TMEFF2: variants seen among roughly 807,000 people sequenced by gnomAD.
The protein encoded by TMEFF2 is tomoregulin-2.
Under a neutral mutation model 53.8 loss-of-function variants are expected in TMEFF2, and 28 were observed. The observed-to-expected ratio is 0.52, with a 90% CI of 0.39 to 0.71. TMEFF2 has a LOEUF of 0.71. Among genes scored for constraint, TMEFF2 ranks in the 30% least tolerant of loss-of-function variants. The probability of loss-of-function intolerance (pLI) is 0.00; values close to 1 mark genes in which losing one functional copy is unlikely to be tolerated. For missense variants in TMEFF2, 353 were observed against 455.2 expected (o/e 0.78, Z 2.04); for synonymous variants, 162 against 166.3 (o/e 0.97, Z 0.20).
At chr2:191,951,866 G>C (rs1458486159) in intron 9 of TMEFF2, among the ~76,000 whole-genome samples, 1 of 152,184 alleles carries the variant, frequency 6.6e-6, no homozygotes. Flanking sequence ...ATTGAGGACA[G>C]GTTTTATTTT....
intron 7 of TMEFF2, among the ~76,000 whole-genome samples, chr2:191,978,028 G>A (rs1685772544): frequency 1.3e-5 from 2 of 152,088 alleles, no homozygotes; most frequent in South Asian, 2.1e-4. Context: ...ATCCCCACAT[G>A]TCAGCACTTT....
At chr2:192,111,213 G>C (rs541545248) in intron 4 of TMEFF2, among the ~76,000 whole-genome samples, 1 of 152,232 alleles carries the variant, frequency 6.6e-6, no homozygotes, top group South Asian at 2.1e-4. Flanking sequence ...GGTTTGGAGG[G>C]CTTAGAAGAA....
chr2:191,996,622 A>G (rs1005878260), intron 7 of TMEFF2, among the ~76,000 whole-genome samples: 1 of 151,932 alleles, frequency 6.6e-6, no homozygotes, highest in African/African-American at 2.4e-5. Flanking sequence ...CTTGGAAACA[A>G]TACTGCAAAA....
intron 4 of TMEFF2, among the ~76,000 whole-genome samples, chr2:192,084,631 T>C (rs1247791777): frequency 6.6e-6 from 1 of 152,238 alleles, no homozygotes; most frequent in Non-Finnish European, 1.5e-5. Flanking sequence ...TTGAGTTTTA[T>C]TTCTTTTTAT....
At chr2:192,007,255 A>C (rs1209657566) in intron 5 of TMEFF2, among the ~76,000 whole-genome samples, 1 of 152,260 alleles carries the variant, frequency 6.6e-6, no homozygotes, top group African/African-American at 2.4e-5. Context: ...GATTAAACAC[A>C]CTGATCTAAA....
chr2:192,042,453 C>T (rs981987464), intron 5 of TMEFF2, among the ~76,000 whole-genome samples: 10 of 152,074 alleles, frequency 6.6e-5, no homozygotes, highest in Middle Eastern at 3.2e-3. Flanking sequence ...CAAGTTCCAG[C>T]GGGCACCTAA....
chr2:192,091,404 T>C (rs1209908370), intron 4 of TMEFF2, among the ~76,000 whole-genome samples: 1 of 152,060 alleles, frequency 6.6e-6, no homozygotes, highest in Non-Finnish European at 1.5e-5. Context: ...CCCCTTTACA[T>C]TCCCAGGACA....
At chr2:191,959,639 T>C (rs1692214108) in intron 7 of TMEFF2, among the ~76,000 whole-genome samples, 3 of 152,216 alleles carry the variant, frequency 2.0e-5, no homozygotes, top group African/African-American at 7.2e-5. Flanking sequence ...TGTGTATGTG[T>C]TTACCATTGC....
intron 4 of TMEFF2, among the ~76,000 whole-genome samples, chr2:192,079,739 T>A (rs1310393084): frequency 6.6e-6 from 1 of 152,220 alleles, no homozygotes; most frequent in African/African-American, 2.4e-5. Context: ...CTTGATTTGC[T>A]TACTGGCTTT....
At chr2:192,167,552 T>C (rs1336237874) in intron 4 of TMEFF2, among the ~76,000 whole-genome samples, 1 of 152,166 alleles carries the variant, frequency 6.6e-6, no homozygotes, top group Non-Finnish European at 1.5e-5. Flanking sequence ...CTCCTTCTGT[T>C]ATTTTGCATA....
intron 4 of TMEFF2, among the ~76,000 whole-genome samples, chr2:192,151,810 G>C (rs1690395205): frequency 6.6e-6 from 1 of 151,858 alleles, no homozygotes; most frequent in African/African-American, 2.4e-5. Flanking sequence ...CTCATCTTGG[G>C]AGAGCCTACA....
chr2:192,084,046 A>G (rs1688612426), intron 4 of TMEFF2, among the ~76,000 whole-genome samples: 1 of 152,132 alleles, frequency 6.6e-6, no homozygotes, highest in African/African-American at 2.4e-5. Context: ...AATACTCAAA[A>G]TAGCTCTATT....
At chr2:192,158,669 T>C (rs992617346) in intron 4 of TMEFF2, among the ~76,000 whole-genome samples, 2 of 152,112 alleles carry the variant, frequency 1.3e-5, no homozygotes, top group Non-Finnish European at 2.9e-5. Context: ...AAACCTCTAG[T>C]GCTGGTGAGA....
At chr2:192,136,079 TTTGGTG>T (rs1324379153) in intron 4 of TMEFF2, among the ~76,000 whole-genome samples, 3 of 152,150 alleles carry the variant, frequency 2.0e-5, no homozygotes, top group Non-Finnish European at 4.4e-5. Context: ...ACAAAGCCTG[TTTGGTG>T]GTCTCTTCAC....
intron 7 of TMEFF2, among the ~76,000 whole-genome samples, chr2:191,964,206 TTCTC>T (rs998429234): frequency 1.1e-4 from 16 of 151,076 alleles, no homozygotes; most frequent in Admixed American, 4.6e-4. Context: ...TTCTCTTTCT[TTCTC>T]TCTTTCTGTC....
chr2:191,949,513 G>C lies in TMEFF2; in HGVS notation c.*798C>G. 2 of 985,244 alleles carry C rather than the reference G, an allele frequency of 2.0e-6. No individual in the cohort carries two copies. Among genetic ancestry groups the C allele is most frequent in the Non-Finnish European group, 2.4e-6 (2 of 829,892 alleles). 61.0% of individuals were successfully genotyped at this position (985,244 alleles called of 1,614,324 possible). On this transcript the variant is annotated 3_prime_UTR_variant, in exon 10 of 10. Coordinates refer to ENST00000272771, the MANE Select transcript of TMEFF2 (RefSeq NM_016192.4). ...GTGGTGTTATTACATTTTTCCCCTG[G>C]TAATTCCACCCACCTAAATGGAATA...
intron 5 of TMEFF2, among the ~76,000 whole-genome samples, chr2:192,033,902 A>T (rs5010192): frequency 1.3e-5 from 2 of 152,064 alleles, no homozygotes; most frequent in African/African-American, 4.8e-5. Flanking sequence ...TTGGCCAGGC[A>T]TGGTGGCTCA....
intron 5 of TMEFF2, among the ~76,000 whole-genome samples, chr2:192,026,424 C>T (rs973965901): frequency 6.6e-6 from 1 of 152,144 alleles, no homozygotes; most frequent in African/African-American, 2.4e-5. Context: ...TGCGCATCAT[C>T]GTTATCATCC....
At chr2:192,160,515 T>C (rs1054983770) in intron 4 of TMEFF2, among the ~76,000 whole-genome samples, 4 of 151,940 alleles carry the variant, frequency 2.6e-5, no homozygotes, top group Admixed American at 2.6e-4. Context: ...CTACAAACAA[T>C]TTACCTACAG....
Sources: allele counts gnomAD v4.1 joint callset (sites outside exome capture counted in the v4.1 genomes callset), GRCh38; gene constraint gnomAD v4.1.1; transcripts MANE v1.5; gene names NCBI Gene and HGNC (gene_info 2026-07-23, HGNC 2026-07-21).